Variants in LRP1B observed in about 807,000 individuals in gnomAD.
LRP1B encodes the protein low-density lipoprotein receptor-related protein 1B.
LRP1B carries 217 observed loss-of-function variants against 556.6 expected under a neutral mutation model. The observed-to-expected ratio is 0.39, with a 90% confidence interval of 0.35 to 0.44. The LOEUF is 0.44. Ranked by LOEUF, LRP1B falls within the 20% of genes least tolerant of loss-of-function variation. The pLI is 1.00. For missense variants in LRP1B, 5,053 were observed against 5,620.8 expected, an observed-to-expected ratio of 0.90 and a Z score of 3.23; for synonymous variants, 2,047 against 1,865.8, an observed-to-expected ratio of 1.10 and a Z score of -2.50.
At chr2:140,913,761 C>T (rs981599461) in intron 21 of LRP1B, among the ~76,000 whole-genome samples, 1 of 151,986 alleles carries the variant, frequency 6.6e-6, no homozygotes, top group Non-Finnish European at 1.5e-5. Flanking sequence ...TTATGCTAAG[C>T]ATTACCTTGT....
intron 3 of LRP1B, among the ~76,000 whole-genome samples, chr2:141,355,103 A>G (rs1020280744): frequency 1.3e-5 from 2 of 152,074 alleles, no homozygotes; most frequent in African/African-American, 2.4e-5. Context: ...TCATATTTGT[A>G]TGTCATGTTA....
chr2:141,635,409 T>G (rs1418140806), intron 2 of LRP1B, among the ~76,000 whole-genome samples: 1 of 149,484 alleles, frequency 6.7e-6, no homozygotes, highest in Non-Finnish European at 1.5e-5. Flanking sequence ...GTGAGAGAAA[T>G]GGAGAAATAC....
intron 7 of LRP1B, among the ~76,000 whole-genome samples, chr2:141,101,116 G>A (rs568446396): frequency 1.7e-4 from 26 of 152,182 alleles, no homozygotes; most frequent in African/African-American, 6.0e-4. Context: ...GAAGATGCCA[G>A]GAAGACTCAA....
intron 46 of LRP1B, 123 bp downstream of exon 46, chr2:140,536,458 T>C: frequency 1.1e-6 from 1 of 874,806 alleles, no homozygotes; most frequent in Non-Finnish European, 1.7e-6. Flanking sequence ...TTGCCTTAGA[T>C]ACAGGTTAAT....
In LRP1B at chr2:140,333,105, T is replaced by C. The variant is rs181544194; in HGVS notation, c.12223+1348A>G. Reference sequence around the variant, plus strand: ...TATGCTTCTGGGCATACTCACCTTCTTTCTGTTTTCATGCTAAGCTAATTC... The same window carrying C: ...TATGCTTCTGGGCATACTCACCTTCCTTCTGTTTTCATGCTAAGCTAATTC... On this transcript the variant is annotated intron_variant, in intron 79 of 90. Transcript: ENST00000389484. 9.2e-5 allele frequency among the ~76,000 whole-genome samples: 14 copies of C among 152,112 alleles called. No individual in the cohort carries two copies. In the East Asian group the frequency reaches 2.5e-3, roughly 28 times the overall value.
intron 54 of LRP1B, 22 bp downstream of exon 54, chr2:140,502,941 G>C (rs761070692): frequency 1.2e-6 from 2 of 1,608,692 alleles, no homozygotes; most frequent in Non-Finnish European, 1.7e-6. Flanking sequence ...GAGTAAATGC[G>C]GTATTGTATA....
chr2:140,619,585 C>T (rs1336990123), intron 41 of LRP1B, among the ~76,000 whole-genome samples: 16 of 152,198 alleles, frequency 1.1e-4, no homozygotes, highest in Admixed American at 6.5e-4. Flanking sequence ...TGGGAGTCCC[C>T]GTATAACCTT....
chr2:140,514,778 A>G lies in LRP1B; in HGVS notation c.8150-6T>C. 6.2e-7 allele frequency: 1 copy of G among 1,605,336 alleles called. No homozygotes were observed. Among genetic ancestry groups the G allele is most frequent in the African/African-American group, 1.4e-5 (1 of 73,842 alleles). ...GTTCCAAGAGCAAGAAGAATCTAGG[A>G]AACAAACAAAAGGAAAAAAAAAAAT... On this transcript the variant is annotated splice_polypyrimidine_tract_variant and splice_region_variant and intron_variant, in intron 50 of 90. Coordinates refer to ENST00000389484, the MANE Select transcript of LRP1B (RefSeq NM_018557.3).
At chr2:142,119,806 C>T (rs868060537) in intron 1 of LRP1B, among the ~76,000 whole-genome samples, 34 of 152,024 alleles carry the variant, frequency 2.2e-4, no homozygotes, top group Middle Eastern at 3.2e-3. Flanking sequence ...GACCCCAAAC[C>T]GTTTGATCCG....
rs199638908 is a variant in LRP1B at position 141,013,714 on chromosome 2, G to A, written c.2222C>T (p.Pro741Leu). The A allele has an allele frequency of 3.1e-6, 5 of 1,597,098 alleles. No individual in the cohort carries two copies. The highest frequency in any genetic ancestry group is 4.3e-6 in the Non-Finnish European group (5 of 1,172,628). ...ATTTCCATGATGCGACAGTCCGAAA[G>A]GGTGGTTCAACTCTCTCCCACTGTA... ...IVYSGRELNH[P>L]FGLSHHGNYV... is the part of the protein sequence containing the mutation. The change falls in exon 14 of 91, where the codon CCT (proline) becomes CTT (leucine). Residue 741 changes from proline (P) to leucine (L), a missense_variant. Around this residue, in one of 5 missense-constraint regions of LRP1B, gnomAD observed 3,619 missense variants for 3,931.9 expected, o/e 0.92. Coordinates refer to ENST00000389484, the MANE Select transcript of LRP1B (RefSeq NM_018557.3).
chr2:142,001,992 T>A (rs1260560721), intron 1 of LRP1B, among the ~76,000 whole-genome samples: 1 of 152,166 alleles, frequency 6.6e-6, no homozygotes, highest in Non-Finnish European at 1.5e-5. Context: ...CAACTGTGTC[T>A]GCCAAAAGGA....
intron 1 of LRP1B, among the ~76,000 whole-genome samples, chr2:142,014,937 A>G (rs1703073294): frequency 6.6e-6 from 1 of 152,202 alleles, no homozygotes; most frequent in South Asian, 2.1e-4. Context: ...AGATAAATAC[A>G]AACATAAAAA....
intron 63 of LRP1B, among the ~76,000 whole-genome samples, chr2:140,446,657 A>T (rs1213592754): frequency 6.6e-6 from 1 of 152,142 alleles, no homozygotes; most frequent in African/African-American, 2.4e-5. Flanking sequence ...TACAAGTAAA[A>T]GCCTATTTGC....
At chr2:141,648,841 T>A (rs1376534057) in intron 2 of LRP1B, among the ~76,000 whole-genome samples, 1 of 152,228 alleles carries the variant, frequency 6.6e-6, no homozygotes, top group Non-Finnish European at 1.5e-5. Context: ...GTGTTCTGGC[T>A]CTTTGAATCC....
At chr2:140,268,961 G>A (rs541724832) in intron 86 of LRP1B, among the ~76,000 whole-genome samples, 93 of 151,992 alleles carry the variant, frequency 6.1e-4, no homozygotes, top group African/African-American at 2.2e-3. Context: ...GCATATGGAA[G>A]TACTCTTAAA....
chr2:141,701,972 C>G (rs1243496392), intron 2 of LRP1B, among the ~76,000 whole-genome samples: 1 of 151,862 alleles, frequency 6.6e-6, no homozygotes, highest in Non-Finnish European at 1.5e-5. Flanking sequence ...AATATATAGA[C>G]TGCAAGAAAT....
At chr2:141,713,654 C>A (rs1182717832) in intron 2 of LRP1B, among the ~76,000 whole-genome samples, 1 of 151,934 alleles carries the variant, frequency 6.6e-6, no homozygotes. Flanking sequence ...TAGAATAAAG[C>A]CACCCAAATA....
intron 77 of LRP1B, among the ~76,000 whole-genome samples, chr2:140,341,134 C>A (rs1681369318): frequency 6.6e-6 from 1 of 151,462 alleles, no homozygotes; most frequent in Non-Finnish European, 1.5e-5. Flanking sequence ...ATGATATACA[C>A]AAAATAAATT....
intron 41 of LRP1B, among the ~76,000 whole-genome samples, chr2:140,697,491 T>C (rs2105412988): frequency 6.6e-6 from 1 of 152,198 alleles, no homozygotes; most frequent in South Asian, 2.1e-4. Flanking sequence ...TGTACACCAA[T>C]GTTCATTGCA....
Sources: allele counts gnomAD v4.1 joint callset (sites outside exome capture counted in the v4.1 genomes callset), GRCh38; gene constraint gnomAD v4.1.1; regional missense constraint gnomAD v4.1.1; transcripts MANE v1.5; gene names NCBI Gene and HGNC (gene_info 2026-07-23, HGNC 2026-07-21).